DACH2: variants seen among roughly 807,000 people sequenced by gnomAD.
The protein encoded by DACH2 is dachshund family transcription factor 2.
In DACH2, 17 loss-of-function variants were observed where a neutral mutation model predicts 35.8. The ratio of observed to expected loss-of-function variants is 0.48; its 90% confidence interval spans 0.33 to 0.71. The LOEUF (loss-of-function observed/expected upper bound fraction) is 0.71. DACH2 is among the 30% of genes least tolerant of loss of function. The pLI is 0.02. For missense variants in DACH2, 469 were observed against 472.7 expected, an observed-to-expected ratio of 0.99 and a Z score of 0.07; for synonymous variants, 195 against 177.3, an observed-to-expected ratio of 1.10 and a Z score of -0.79.
chrX:86,329,612 A>T (rs1189403536), intron 1 of DACH2, among the ~76,000 whole-genome samples: 1 of 110,837 alleles, frequency 9.0e-6, no homozygotes, highest in Non-Finnish European at 1.9e-5. Flanking sequence ...TATGAGTACC[A>T]GTGAGCTTTG....
At chrX:86,686,930 A>G (rs758957965) in intron 4 of DACH2, among the ~76,000 whole-genome samples, 1 of 112,234 alleles carries the variant, frequency 8.9e-6, no homozygotes, top group Non-Finnish European at 1.9e-5. Context: ...TACATCTTGC[A>G]ACATTTTAAT....
intron 1 of DACH2, among the ~76,000 whole-genome samples, chrX:86,355,040 G>A (rs1237586347): frequency 9.0e-6 from 1 of 111,572 alleles, no homozygotes; most frequent in Non-Finnish European, 1.9e-5. Context: ...TACCTCATAG[G>A]TAGTTTTCTG....
At chrX:86,209,794 A>T (rs1390973396) in intron 1 of DACH2, among the ~76,000 whole-genome samples, 2 of 111,145 alleles carry the variant, frequency 1.8e-5, no homozygotes, top group Non-Finnish European at 3.8e-5. Context: ...AATCCAATAT[A>T]TTCAAACTTT....
intron 2 of DACH2, among the ~76,000 whole-genome samples, chrX:86,409,360 TC>T: frequency 1.8e-5 from 2 of 111,113 alleles, no homozygotes; most frequent in South Asian, 7.7e-4. Flanking sequence ...TGGATGTGTG[TC>T]CCCGGCCAAA....
intron 2 of DACH2, among the ~76,000 whole-genome samples, chrX:86,476,211 C>T (rs1435321183): frequency 9.0e-6 from 1 of 111,489 alleles, no homozygotes; most frequent in East Asian, 2.8e-4. Context: ...GGAGGTGTTC[C>T]CTTCTTCTCT....
chrX:86,486,463 C>T (rs1415487123), intron 2 of DACH2, among the ~76,000 whole-genome samples: 1 of 110,749 alleles, frequency 9.0e-6, no homozygotes, highest in East Asian at 2.8e-4. Context: ...GAAGTTCCAG[C>T]TTCCTTTACC....
chrX:86,276,841 G>T (rs531169590), intron 1 of DACH2, among the ~76,000 whole-genome samples: 1 of 111,464 alleles, frequency 9.0e-6, no homozygotes. Context: ...TTAATTATAG[G>T]TGTGTGGATT....
rs138047153 is a variant in DACH2, at chrX:86,506,184, C to T, written c.528-8095C>T. ...AGCCAGGCTGGGCTCATATTGGAGG[C>T]TCTGTGGGGAATAACTGTCTCAAAA... On this transcript the variant is annotated intron_variant, in intron 2 of 11. Transcript: ENST00000373125. Among the ~76,000 whole-genome samples the T allele has an allele frequency of 4.7e-3, 521 of 111,085 alleles. 5 individuals are homozygous for T. The highest frequency in any genetic ancestry group is 0.015 in the African/African-American group (467 of 30,528).
intron 1 of DACH2, among the ~76,000 whole-genome samples, chrX:86,225,329 T>G (rs182447199): frequency 1.1e-4 from 12 of 111,644 alleles, no homozygotes; most frequent in Admixed American, 8.6e-4. Flanking sequence ...GCCAGGAGTT[T>G]ATATTTTTTA....
chrX:86,286,616 G>A (rs1417118034), intron 1 of DACH2, among the ~76,000 whole-genome samples: 1 of 110,189 alleles, frequency 9.1e-6, no homozygotes, highest in Non-Finnish European at 1.9e-5. Context: ...TATATATTTT[G>A]GACCCCTTGT....
At chrX:86,462,497 A>G (rs2037592601) in intron 2 of DACH2, among the ~76,000 whole-genome samples, 1 of 111,873 alleles carries the variant, frequency 8.9e-6, no homozygotes, top group Non-Finnish European at 1.9e-5. Flanking sequence ...GGTCTTGTAC[A>G]TACATTGTTC....
At chrX:86,522,394 G>A (rs1434522947) in intron 3 of DACH2, among the ~76,000 whole-genome samples, 1 of 111,195 alleles carries the variant, frequency 9.0e-6, no homozygotes, top group South Asian at 3.7e-4. Context: ...ACTAAGGTAA[G>A]TCCCTTAGGA....
chrX:86,739,529 T>A lies in DACH2; in HGVS notation c.1105-218T>A, dbSNP rs766930499. Among the ~76,000 whole-genome samples the A allele has an allele frequency of 3.6e-5, 4 of 112,295 alleles. No individual in the cohort carries two copies. The South Asian group carries it at 1.5e-3, about 41-fold the overall frequency. ...TTTCTTGACCCTTTACTATATGCTT[T>A]TTTGACTTTTTCTATAATTTAGCCC... is the stretch of plus-strand genomic sequence containing the variant. On this transcript the variant is annotated intron_variant, in intron 6 of 11. Transcript: ENST00000373125.
intron 2 of DACH2, among the ~76,000 whole-genome samples, chrX:86,439,802 A>C (rs939733156): frequency 7.2e-5 from 8 of 111,221 alleles, no homozygotes; most frequent in African/African-American, 2.6e-4. Flanking sequence ...GCATCCCATA[A>C]ATTTTGAATA....
chrX:86,571,988 G>A (rs1192802923), intron 3 of DACH2, among the ~76,000 whole-genome samples: 1 of 110,846 alleles, frequency 9.0e-6, no homozygotes, highest in Non-Finnish European at 1.9e-5. Context: ...ATTCATTCCT[G>A]TATCTTGTTG....
chrX:86,435,656 T>G (rs1165162475), intron 2 of DACH2, among the ~76,000 whole-genome samples: 3 of 111,696 alleles, frequency 2.7e-5, no homozygotes, highest in Non-Finnish European at 5.7e-5. Flanking sequence ...AGTTGCAAAT[T>G]TAGGTAAAGG....
intron 6 of DACH2, among the ~76,000 whole-genome samples, chrX:86,729,814 C>T (rs1029372874): frequency 9.0e-6 from 1 of 111,347 alleles, no homozygotes; most frequent in Admixed American, 9.5e-5. Context: ...TATGCCTGCT[C>T]CTGCTTCAAC....
chrX:86,387,266 C>T, intron 2 of DACH2, among the ~76,000 whole-genome samples: 1 of 111,371 alleles, frequency 9.0e-6, no homozygotes, highest in Non-Finnish European at 1.9e-5. Context: ...GGTAAACAAA[C>T]TTGGTTACTG....
Position 86,311,351 on chromosome X carries a change from C to A in DACH2, c.489-65473C>A, listed in dbSNP as rs189651271. ...GCAGTGAGCTCAGGCTTATGGAATT[C>A]ACTGGTCTTACCATGTTCCCCATCA... On this transcript the variant is annotated intron_variant, in intron 1 of 11. Coordinates refer to ENST00000373125, the MANE Select transcript of DACH2 (RefSeq NM_053281.3). 4.5e-5 allele frequency among the ~76,000 whole-genome samples: 5 copies of A among 111,972 alleles called. No individual in the cohort carries two copies. The East Asian group carries it at 1.4e-3, about 32-fold the overall frequency.
Sources: gnomAD v4.1 joint callset for allele counts (sites outside exome capture counted in the v4.1 genomes callset) on GRCh38, gnomAD v4.1.1 for gene constraint, MANE v1.5 for transcripts, NCBI Gene and HGNC (gene_info 2026-07-23, HGNC 2026-07-21) for gene names.